Variants in KLF12 observed in about 807,000 individuals in gnomAD.
The protein encoded by KLF12 is KLF transcription factor 12.
In KLF12, 9 loss-of-function variants were observed where a neutral mutation model predicts 37.8. The ratio of observed to expected loss-of-function variants is 0.24; its 90% CI spans 0.14 to 0.42. The LOEUF is 0.42. Ranked by LOEUF, KLF12 falls within the 10% of genes least tolerant of loss-of-function variation. KLF12 has a pLI of 1.00. For missense variants in KLF12, 411 were observed against 516.0 expected (o/e 0.80, Z 1.97); for synonymous variants, 208 against 202.1 (o/e 1.03, Z -0.25).
At chr13:74,208,784 G>A in the KLF12 span, among the ~76,000 whole-genome samples, 2 of 151,990 alleles carry the variant, frequency 1.3e-5, no homozygotes, top group African/African-American at 4.8e-5. Context: ...AGGCAGCTTG[G>A]GCAGCACAGT....
chr13:74,033,429 T>C (rs977986005), intron 1 of KLF12, among the ~76,000 whole-genome samples: 2 of 152,200 alleles, frequency 1.3e-5, no homozygotes, highest in Non-Finnish European at 2.9e-5. Flanking sequence ...ATCTATAAGA[T>C]AGGGCTAATA....
the KLF12 span, among the ~76,000 whole-genome samples, chr13:74,278,417 A>C: frequency 6.6e-6 from 1 of 152,104 alleles, no homozygotes. Context: ...TCTCCATCTA[A>C]ATTCTTTGTC....
intron 3 of KLF12, among the ~76,000 whole-genome samples, chr13:73,881,707 A>C (rs1886989943): frequency 6.6e-6 from 1 of 152,178 alleles, no homozygotes; most frequent in Non-Finnish European, 1.5e-5. Context: ...TAGAGCTAAA[A>C]AGTACCCGCT....
intron 2 of KLF12, among the ~76,000 whole-genome samples, chr13:73,974,803 T>C (rs1891461513): frequency 6.6e-6 from 1 of 152,330 alleles, no homozygotes; most frequent in Admixed American, 6.5e-5. Context: ...GACAAATAAC[T>C]GCAAATGAAA....
chr13:74,000,247 T>C lies in KLF12; in HGVS notation c.-31-5194A>G, dbSNP rs190107224. On this transcript the variant is annotated intron_variant, in intron 1 of 7. Transcript: ENST00000377669. Reference sequence around the variant, plus strand: ...GAAAAGCTATGTCCGAAACCTGATATAAAGTTATACTTCCTCAATATCACC... The same window carrying C: ...GAAAAGCTATGTCCGAAACCTGATACAAAGTTATACTTCCTCAATATCACC... 1.7e-3 allele frequency among the ~76,000 whole-genome samples: 263 copies of C among 152,322 alleles called. 3 individuals are homozygous for C. In the Middle Eastern group the frequency reaches 0.02, roughly 12 times the overall value.
At chr13:73,855,953 T>C (rs1885587263) in intron 3 of KLF12, among the ~76,000 whole-genome samples, 1 of 152,238 alleles carries the variant, frequency 6.6e-6, no homozygotes, top group Non-Finnish European at 1.5e-5. Flanking sequence ...TATACAGTCA[T>C]ACAGGTGTTT....
intron 3 of KLF12, among the ~76,000 whole-genome samples, chr13:73,862,991 T>C (rs1441413379): frequency 2.0e-5 from 3 of 152,160 alleles, no homozygotes; most frequent in Admixed American, 6.5e-5. Context: ...TATCTACTCA[T>C]AGACAGGATC....
intron 1 of KLF12, among the ~76,000 whole-genome samples, chr13:74,071,265 AG>A (rs1174216091): frequency 3.3e-5 from 5 of 152,232 alleles, no homozygotes; most frequent in Non-Finnish European, 7.3e-5. Flanking sequence ...TACACACAGG[AG>A]TATTTTATTA....
chr13:74,156,857 TTTTC>T, the KLF12 span, among the ~76,000 whole-genome samples: 1 of 152,148 alleles, frequency 6.6e-6, no homozygotes, highest in African/African-American at 2.4e-5. Context: ...ATGTACCACG[TTTTC>T]TTTATCTGTT....
chr13:74,235,218 A>G, the KLF12 span, among the ~76,000 whole-genome samples: 1 of 152,224 alleles, frequency 6.6e-6, no homozygotes, highest in South Asian at 2.1e-4. Context: ...TACTTGATAT[A>G]AATTACCAAG....
the KLF12 span, among the ~76,000 whole-genome samples, chr13:74,224,357 T>A: frequency 6.6e-6 from 1 of 152,196 alleles, no homozygotes; most frequent in Non-Finnish European, 1.5e-5. Flanking sequence ...CTAGGATTTC[T>A]TACACCCAGG....
chr13:74,221,123 G>A, the KLF12 span, among the ~76,000 whole-genome samples: 1 of 151,560 alleles, frequency 6.6e-6, no homozygotes, highest in Admixed American at 6.6e-5. Context: ...TCCTGCCTCA[G>A]CCTGCGGAGT....
chr13:73,806,101 GTT>G (rs58028136), intron 5 of KLF12, among the ~76,000 whole-genome samples: 1 of 145,744 alleles, frequency 6.9e-6, no homozygotes, highest in South Asian at 2.2e-4. Context: ...TGCCCTGCCA[GTT>G]TTTTTTTTCT....
intron 1 of KLF12, among the ~76,000 whole-genome samples, chr13:74,010,228 C>A (rs1385945403): frequency 6.6e-6 from 1 of 152,118 alleles, no homozygotes; most frequent in African/African-American, 2.4e-5. Flanking sequence ...CAGGCAAGCA[C>A]CACCACGCCC....
chr13:73,890,506 G>A (rs1243725450), intron 3 of KLF12, among the ~76,000 whole-genome samples: 2 of 152,002 alleles, frequency 1.3e-5, no homozygotes, highest in Non-Finnish European at 2.9e-5. Flanking sequence ...AAACGATAAT[G>A]ATTGGGGGAA....
chr13:74,294,234 C>G, the KLF12 span, among the ~76,000 whole-genome samples: 1 of 152,052 alleles, frequency 6.6e-6, no homozygotes, highest in Non-Finnish European at 1.5e-5. Flanking sequence ...TTGTTACATG[C>G]ACCGATTGTG....
In KLF12 at chr13:73,943,999, A is replaced by G; in HGVS notation, c.105T>C (p.Leu35=). Residue 35 remains leucine (L), a synonymous_variant, in exon 3 of 8, where the codon CTT becomes CTC. Transcript: ENST00000377669. ...TGCTTACCCCTTGTTCAGATTCCAA[A>G]AGCTCTGTTTTGACTCTGACTGCCG... is the stretch of plus-strand genomic sequence containing the variant. The G allele has an allele frequency of 6.2e-7, 1 of 1,612,094 alleles. No homozygotes were observed. The highest frequency in any genetic ancestry group is 8.5e-7 in the Non-Finnish European group (1 of 1,178,518).
chr13:73,744,435 C>T (rs1878224896), intron 6 of KLF12, among the ~76,000 whole-genome samples: 1 of 145,996 alleles, frequency 6.8e-6, no homozygotes, highest in South Asian at 2.2e-4. Flanking sequence ...AGGTCTCCTG[C>T]AGGAGGGGTC....
chr13:74,154,072 A>AG, the KLF12 span, among the ~76,000 whole-genome samples: 2 of 11,488 alleles, frequency 1.7e-4, no homozygotes, highest in Non-Finnish European at 8.6e-4. Context: ...GTAAAATACC[A>AG]AAAAAAAAAA....
Sources: gnomAD v4.1 joint callset for allele counts (sites outside exome capture counted in the v4.1 genomes callset) on GRCh38, gnomAD v4.1.1 for gene constraint, MANE v1.5 for transcripts, NCBI Gene and HGNC (gene_info 2026-07-23, HGNC 2026-07-21) for gene names.